The following RAB3GAP1 variants were observed in gnomAD, a reference collection of about 807,000 sequenced individuals.
The protein encoded by RAB3GAP1 is rab3 GTPase-activating protein catalytic subunit.
Under a neutral mutation model 130.7 loss-of-function variants are expected in RAB3GAP1, and 86 were observed. The ratio of observed to expected loss-of-function variants is 0.66; its 90% CI spans 0.55 to 0.79. The LOEUF is 0.79. Ranked by LOEUF, RAB3GAP1 falls within the 30% of genes least tolerant of loss-of-function variation. The pLI is 0.00. For missense variants in RAB3GAP1, 1,029 were observed against 1,169.4 expected (o/e 0.88, Z 1.75); for synonymous variants, 367 against 401.7 (o/e 0.91, Z 1.03).
intron 5 of RAB3GAP1, among the ~76,000 whole-genome samples, chr2:135,096,046 A>G (rs964850725): frequency 6.6e-6 from 1 of 152,208 alleles, no homozygotes; most frequent in Non-Finnish European, 1.5e-5. Flanking sequence ...GGGTCTTGGA[A>G]CTTACCTTCC....
Position 135,161,145 on chromosome 2 carries a change from A to G in RAB3GAP1, c.2290-1410A>G, listed in dbSNP as rs192812934. Among the ~76,000 whole-genome samples, 78 of 152,344 alleles carry G rather than the reference A, an allele frequency of 5.1e-4. 1 individual carries two copies. Among genetic ancestry groups the G allele is most frequent in the Admixed American group, 1.6e-3 (24 of 15,296 alleles). On this transcript the variant is annotated intron_variant, in intron 19 of 23. Coordinates refer to ENST00000264158, the MANE Select transcript of RAB3GAP1 (RefSeq NM_012233.3). ...GATAAGAATGTAAATCTGTTGAAACACTTTGTAGGATAATTATGTTGTACA... is the reference window on the plus strand; with the variant it reads ...GATAAGAATGTAAATCTGTTGAAACGCTTTGTAGGATAATTATGTTGTACA...
At position 135,164,670 on chromosome 2, in the gene RAB3GAP1, C is replaced by G. The variant is rs1391185714; in HGVS notation, c.2683C>G (p.His895Asp). 1 of 1,612,170 alleles carries G rather than the reference C, an allele frequency of 6.2e-7. No individual in the cohort carries two copies. The highest frequency in any genetic ancestry group is 8.5e-7 in the Non-Finnish European group (1 of 1,178,656). Reference protein sequence around the residue: ...AGRGHAGRIIHKLFVNAQRAA... With the variant: ...AGRGHAGRIIDKLFVNAQRAA... ...AAGAGGACATGCTGGCAGGATCATT[C>G]ACAAGCTGTTTGTGAATGCCCAGAG... The change falls in exon 23 of 24, where the codon CAC becomes GAC. Residue 895 changes from histidine to aspartate, a missense_variant. Around this residue, in one of 3 missense-constraint regions of RAB3GAP1, gnomAD observed 146 missense variants for 143.7 expected, o/e 1.02. Transcript: ENST00000264158.
chr2:135,127,181 C>CT (rs1691375391), intron 11 of RAB3GAP1, among the ~76,000 whole-genome samples: 1 of 147,784 alleles, frequency 6.8e-6, no homozygotes, highest in South Asian at 2.1e-4. Context: ...CCTTAAGATG[C>CT]TTTTTCTTTT....
At chr2:135,166,452 AATCCTCTTGCTTC>A (rs757946172) in intron 23 of RAB3GAP1, among the ~76,000 whole-genome samples, 65 of 152,210 alleles carry the variant, frequency 4.3e-4, no homozygotes, top group South Asian at 8.3e-4. Flanking sequence ...AGGTTTAAGC[AATCCTCTTGCTTC>A]AACCTCCCAA....
At chr2:135,098,365 C>T (rs1221069827) in intron 5 of RAB3GAP1, among the ~76,000 whole-genome samples, 1 of 152,036 alleles carries the variant, frequency 6.6e-6, no homozygotes, top group Non-Finnish European at 1.5e-5. Context: ...AAGACTGTAA[C>T]TTATCTTTTA....
Position 135,091,017 on chromosome 2 carries a change from C to T in RAB3GAP1, c.170C>T (p.Thr57Ile), listed in dbSNP as rs139464896. The change falls in exon 4 of 24, where the codon ACA becomes ATA. Residue 57 changes from threonine (T) to isoleucine (I), a missense_variant. Around this residue, in one of 3 missense-constraint regions of RAB3GAP1, gnomAD observed 510 missense variants for 532.1 expected, o/e 0.96. Transcript: ENST00000264158. ...PLEKGIFTSG[T>I]WEEKSDEISF... ...ATATAGGGTATATTTACTTCTGGCA[C>T]ATGGGAAGAGAAATCAGATGAAATT... 3 of 1,612,212 alleles carry T rather than the reference C, an allele frequency of 1.9e-6. No homozygotes were observed. The highest frequency in any genetic ancestry group is 2.5e-6 in the Non-Finnish European group (3 of 1,178,560).
At chr2:135,162,456 A>C (rs563585147) in intron 19 of RAB3GAP1, 99 bp from the exon 20 acceptor site, 1 of 894,292 alleles carries the variant, frequency 1.1e-6, no homozygotes, top group Non-Finnish European at 1.8e-6. Context: ...TGTCTTGTTA[A>C]GGATTAAGAT....
At chr2:135,057,608 G>T (rs1406339733) in intron 2 of RAB3GAP1, among the ~76,000 whole-genome samples, 1 of 152,134 alleles carries the variant, frequency 6.6e-6, no homozygotes, top group Non-Finnish European at 1.5e-5. Flanking sequence ...CCAACCTCAG[G>T]GTTAGGAATT....
chr2:135,159,534 T>C (rs1049014904), intron 19 of RAB3GAP1, among the ~76,000 whole-genome samples: 1 of 152,154 alleles, frequency 6.6e-6, no homozygotes, highest in African/African-American at 2.4e-5. Context: ...AACTCAAAAC[T>C]GTCAAGGTCA....
At chr2:135,114,642 GT>G (rs1192291069) in intron 6 of RAB3GAP1, among the ~76,000 whole-genome samples, 7 of 152,126 alleles carry the variant, frequency 4.6e-5, no homozygotes, top group African/African-American at 1.7e-4. Flanking sequence ...TTTTATGTGT[GT>G]TTCTGTTTAA....
intron 6 of RAB3GAP1, 125 bp downstream of exon 6, chr2:135,113,395 A>T: frequency 7.7e-7 from 1 of 1,294,176 alleles, no homozygotes; most frequent in South Asian, 1.3e-5. Flanking sequence ...TATATTGTTA[A>T]ACTAAATTTG....
chr2:135,099,697 C>G (rs1477999678), intron 5 of RAB3GAP1, among the ~76,000 whole-genome samples: 3 of 151,228 alleles, frequency 2.0e-5, no homozygotes. Flanking sequence ...GCCTTTGAAA[C>G]TTTCTGAGCC....
intron 17 of RAB3GAP1, among the ~76,000 whole-genome samples, chr2:135,138,017 G>GGGTT (rs1558794901): frequency 1.3e-5 from 2 of 151,808 alleles, no homozygotes; most frequent in Non-Finnish European, 2.9e-5. Context: ...TATAGAGGTG[G>GGGTT]GGTTTTGCCC....
chr2:135,150,364 C>A lies in RAB3GAP1; in HGVS notation c.1924-5C>A, dbSNP rs751191916. 36 of 1,613,954 alleles carry A rather than the reference C, an allele frequency of 2.2e-5. No individual in the cohort carries two copies. In the South Asian group the frequency reaches 3.8e-4, roughly 17 times the overall value. On this transcript the variant is annotated splice_region_variant and splice_polypyrimidine_tract_variant and intron_variant, in intron 17 of 23. Transcript: ENST00000264158. ...TTATGAGCCTTGTCCTTTTGTGCTT[C>A]ACAGGAACCAGCACCTATGACAGAA... is the stretch of plus-strand genomic sequence containing the variant.
chr2:135,154,637 A>C (rs1000413596), intron 19 of RAB3GAP1, among the ~76,000 whole-genome samples: 1 of 152,106 alleles, frequency 6.6e-6, no homozygotes, highest in African/African-American at 2.4e-5. Context: ...ATGAAACACA[A>C]AGTCACCCCA....
At chr2:135,117,451 C>T (rs1691008750) in intron 7 of RAB3GAP1, among the ~76,000 whole-genome samples, 1 of 117,478 alleles carries the variant, frequency 8.5e-6, no homozygotes, top group Admixed American at 1.0e-4. Flanking sequence ...TCTTCTTCTT[C>T]TTCTGCTTCT....
intron 17 of RAB3GAP1, 105 bp downstream of exon 17, chr2:135,136,037 A>G: frequency 1.3e-6 from 2 of 1,485,126 alleles, no homozygotes; most frequent in Non-Finnish European, 1.9e-6. Flanking sequence ...CAAAAAGTCT[A>G]TGTTTAGGCC....
At chr2:135,088,543 G>A (rs1690050155) in intron 3 of RAB3GAP1, among the ~76,000 whole-genome samples, 1 of 151,940 alleles carries the variant, frequency 6.6e-6, no homozygotes, top group Admixed American at 6.6e-5. Flanking sequence ...TCAAAAATTA[G>A]CCAGGCGTGG....
At chr2:135,135,172 T>G in intron 15 of RAB3GAP1, 93 bp from the exon 16 acceptor site, 1 of 1,000,198 alleles carries the variant, frequency 1.0e-6, no homozygotes, top group Non-Finnish European at 1.6e-6. Flanking sequence ...TTCTTATCAA[T>G]ATAGCTAAAA....
Sources: allele counts gnomAD v4.1 joint callset (sites outside exome capture counted in the v4.1 genomes callset), GRCh38; gene constraint gnomAD v4.1.1; regional missense constraint gnomAD v4.1.1; transcripts MANE v1.5; gene names NCBI Gene and HGNC (gene_info 2026-07-23, HGNC 2026-07-21).